The following POLRMT variants were observed in gnomAD, a reference collection of about 807,000 sequenced individuals.
POLRMT encodes the protein RNA polymerase mitochondrial.
POLRMT carries 114 observed loss-of-function variants against 132.2 expected under a neutral mutation model. The ratio of observed to expected loss-of-function variants is 0.86; its 90% CI spans 0.74 to 1.01. The LOEUF (loss-of-function observed/expected upper bound fraction) is 1.01, where lower values mean the gene tolerates loss of function less well. Ranked by LOEUF, POLRMT falls within the 50% of genes least tolerant of loss-of-function variation. The pLI is 0.00. For missense variants in POLRMT, 2,003 were observed against 1,729.1 expected (o/e 1.16, Z -2.81); for synonymous variants, 1,020 against 773.4 (o/e 1.32, Z -5.29).
At chr19:631,549 G>C (rs1190170353) in intron 2 of POLRMT, among the ~76,000 whole-genome samples, 1 of 151,878 alleles carries the variant, frequency 6.6e-6, no homozygotes. Flanking sequence ...TGAGGCAGGA[G>C]AATTGCTTGA....
intron 13 of POLRMT, 130 bp downstream of exon 13, chr19:619,456 C>T (rs1209769469): frequency 2.9e-6 from 4 of 1,402,068 alleles, no homozygotes; most frequent in East Asian, 2.3e-5. Context: ...ACGCCCAAGC[C>T]CTAACAGGCA....
At position 628,106 on chromosome 19, in the gene POLRMT, C is replaced by T. The variant is rs886539999; in HGVS notation, c.822+1434G>A. On this transcript the variant is annotated intron_variant, in intron 3 of 20. Coordinates refer to ENST00000588649, the MANE Select transcript of POLRMT (RefSeq NM_005035.4). ...CGACATCCAGGACTGCTGGCCACCC[C>T]GGAACGCTGGGAGAGGCAGGAGGGG... Among the ~76,000 whole-genome samples, 7 of 152,222 alleles carry T rather than the reference C, an allele frequency of 4.6e-5. No individual in the cohort carries two copies. The South Asian group carries it at 1.0e-3, about 23-fold the overall frequency.
At chr19:623,079 C>G in intron 6 of POLRMT, 94 bp from the exon 7 acceptor site, 25 of 1,424,768 alleles carry the variant, frequency 1.8e-5, no homozygotes, top group Non-Finnish European at 2.4e-5. Flanking sequence ...GCAGAGACCT[C>G]ATGGCCCTCA....
intron 6 of POLRMT, 151 bp from the exon 7 acceptor site, chr19:623,136 T>C: frequency 9.0e-7 from 1 of 1,116,212 alleles, no homozygotes; most frequent in Non-Finnish European, 1.2e-6. Context: ...CGGCCTGCCC[T>C]CTGCCGGCTT....
Position 623,567 on chromosome 19 carries a change from A to C in POLRMT, c.1177T>G (p.Leu393Val). 1 of 1,613,600 alleles carries C rather than the reference A, an allele frequency of 6.2e-7. No homozygotes were observed. Among genetic ancestry groups the C allele is most frequent in the East Asian group, 2.2e-5 (1 of 44,854 alleles). Residue 393 changes from leucine (L) to valine (V), a missense_variant, in exon 6 of 21, where the codon TTG (leucine) becomes GTG (valine). Physicochemically the swap from Leu to Val is conservative, Grantham distance 32 (BLOSUM62 1). Coordinates refer to ENST00000588649, the MANE Select transcript of POLRMT (RefSeq NM_005035.4). ...RVSYPKLHLP[L>V]KTLQCLFEKQ... ...TCAAAGAGGCACTGCAGGGTCTTCA[A>C]GGGCAGGTGCAGCTTCGGGTAGGAC...
intron 18 of POLRMT, 25 bp from the exon 19 acceptor site, chr19:617,680 AG>A (rs1984102075): frequency 6.2e-7 from 1 of 1,612,272 alleles, no homozygotes; most frequent in East Asian, 2.2e-5. Context: ...GAGGATCCCC[AG>A]GGGTGATCAG....
At chr19:618,944 G>T in intron 15 of POLRMT, 53 bp downstream of exon 15, 1 of 1,436,786 alleles carries the variant, frequency 7.0e-7, no homozygotes, top group Non-Finnish European at 9.5e-7. Flanking sequence ...ACACTGGGAC[G>T]CTGTTACACT....
Position 620,579 on chromosome 19 carries a change from G to A in POLRMT, c.2641-92C>T. The A allele has an allele frequency of 6.4e-6, 9 of 1,402,828 alleles. No individual in the cohort carries two copies. In the South Asian group the frequency reaches 7.4e-5, roughly 12 times the overall value. The allele number at this position is 1,402,828 out of a possible 1,614,324, so 86.9% of individuals were successfully genotyped here. A position where few individuals can be genotyped will look rare whatever the true frequency, so the allele number is the denominator to read the frequency against. On this transcript the variant is annotated intron_variant, in intron 10 of 20. Transcript: ENST00000588649. The stretch of plus-strand genomic sequence containing the variant: ...GTTGCGGGGAGGTGGGAAATGGGGA[G>A]GAGACGCACACCCGTGATAGTGAAC...
Position 633,459 on chromosome 19 carries a change from C to T in POLRMT, c.54G>A (p.Arg18=). The change falls in exon 1 of 21, where the codon CGG becomes CGA. Residue 18 remains arginine, a synonymous_variant. Coordinates refer to ENST00000588649, the MANE Select transcript of POLRMT (RefSeq NM_005035.4). ...CGGGGAGTCCCGGGCGGCCGCAAGG[C>T]CGTAGGGCTCGTTTGAGCCCCGCCG... The part of the protein sequence containing the change: ...RGAAGLKRAL[R]PCGRPGLPGK... The T allele has an allele frequency of 6.4e-7, 1 of 1,565,066 alleles. No individual in the cohort carries two copies. The highest frequency in any genetic ancestry group is 1.7e-5 in the Admixed American group (1 of 57,588).
At chr19:620,792 G>A (rs867677945) in intron 10 of POLRMT, among the ~76,000 whole-genome samples, 33 of 96,944 alleles carry the variant, frequency 3.4e-4, no homozygotes, top group Admixed American at 5.4e-4. Flanking sequence ...GGGGAGGGGG[G>A]AACGTGGGGA....
Position 618,519 on chromosome 19 carries a change from G to A in POLRMT, c.3391C>T (p.His1131Tyr). The A allele has an allele frequency of 6.2e-7, 1 of 1,612,986 alleles. No homozygotes were observed. The highest frequency in any genetic ancestry group is 1.1e-5 in the South Asian group (1 of 90,956). The change falls in exon 17 of 21, where the codon CAC (histidine) becomes TAC (tyrosine). Residue 1131 changes from histidine to tyrosine, a missense_variant. Coordinates refer to ENST00000588649, the MANE Select transcript of POLRMT (RefSeq NM_005035.4). Reference sequence around the variant, plus strand: ...CAGTGCAGGGCGGTGAGCATCATGTGGGAGGAGTCCAGCGAGTGGATGAAG... The same window carrying A: ...CAGTGCAGGGCGGTGAGCATCATGTAGGAGGAGTCCAGCGAGTGGATGAAG... ...PNFIHSLDSSHMMLTALHCYR... is the reference protein window; with the variant it reads ...PNFIHSLDSSYMMLTALHCYR...
At chr19:627,279 G>T (rs1985092868) in intron 3 of POLRMT, among the ~76,000 whole-genome samples, 1 of 150,374 alleles carries the variant, frequency 6.7e-6, no homozygotes, top group Non-Finnish European at 1.5e-5. Context: ...AGCCTCCCAA[G>T]TAGCTGGGAC....
chr19:618,782 T>C, intron 15 of POLRMT, 22 bp from the exon 16 acceptor site: 2 of 1,581,412 alleles, frequency 1.3e-6, no homozygotes, highest in South Asian at 1.1e-5. Flanking sequence ...AAGGGGCCGG[T>C]GAGTCCCACC....
intron 3 of POLRMT, among the ~76,000 whole-genome samples, chr19:626,900 T>C (rs367919818): frequency 0.072 from 5,868 of 81,316 alleles, 283 homozygotes; most frequent in African/African-American, 0.18. Context: ...CACACACACA[T>C]ATATATATAT....
At chr19:632,532 G>C (rs1172011260) in intron 2 of POLRMT, among the ~76,000 whole-genome samples, 1 of 119,382 alleles carries the variant, frequency 8.4e-6, no homozygotes, top group Non-Finnish European at 1.7e-5. Flanking sequence ...CTTGGCGGCG[G>C]GGCCGGGGGG....
intron 20 of POLRMT, 26 bp from the exon 21 acceptor site, chr19:617,349 G>T (rs762473966): frequency 1.2e-6 from 2 of 1,612,698 alleles, no homozygotes; most frequent in Non-Finnish European, 8.5e-7. Context: ...AGCGGACGGC[G>T]TGGGTGGCGG....
At chr19:624,928 G>C (rs572967978) in intron 4 of POLRMT, 23 bp from the exon 5 acceptor site, 12 of 1,590,074 alleles carry the variant, frequency 7.5e-6, no homozygotes, top group South Asian at 2.3e-5. Flanking sequence ...CGGCCTGCTC[G>C]AGGGACGGGC....
In POLRMT at chr19:619,596, T is replaced by G. The variant is rs1300462380; in HGVS notation, c.3056A>C (p.Asp1019Ala). The change falls in exon 13 of 21, where the codon GAC becomes GCC. Residue 1019 changes from aspartate to alanine, a missense_variant. By Grantham distance (126) the Asp-to-Ala change is moderately radical (BLOSUM62 -2). Coordinates refer to ENST00000588649, the MANE Select transcript of POLRMT (RefSeq NM_005035.4). ...ACATGCCTGGCGCACCTGGGGAAAG[T>G]CGCTCAGCTCCCGGAGGCGCTTCTC... Reference protein sequence around the residue: ...QIEKRLRELSDFPQEFVWEAS... With the variant: ...QIEKRLRELSAFPQEFVWEAS... The G allele has an allele frequency of 6.2e-7, 1 of 1,611,178 alleles. No individual in the cohort carries two copies.
chr19:619,171 T>C lies in POLRMT; in HGVS notation c.3153+39A>G, dbSNP rs776551685. On this transcript the variant is annotated intron_variant, in intron 14 of 20. Transcript: ENST00000588649. ...AGGCCGGGGATCCCGTCCACTTGCTTAGGGAGTCCTGGCCGAGCGGGGACA... is the reference window on the plus strand; with the variant it reads ...AGGCCGGGGATCCCGTCCACTTGCTCAGGGAGTCCTGGCCGAGCGGGGACA... 7.5e-6 allele frequency: 12 copies of C among 1,609,980 alleles called. No individual in the cohort carries two copies. The African/African-American group carries it at 1.6e-4, about 22-fold the overall frequency.
Sources: allele counts gnomAD v4.1 joint callset (sites outside exome capture counted in the v4.1 genomes callset), GRCh38; gene constraint gnomAD v4.1.1; transcripts MANE v1.5; gene names NCBI Gene and HGNC (gene_info 2026-07-23, HGNC 2026-07-21).